Variants in INTS13 observed in about 807,000 individuals in gnomAD.
The protein encoded by INTS13 is integrator complex subunit 13, also known as asunder, spermatogenesis regulator homolog (Drosphila).
INTS13 carries 35 observed loss-of-function variants against 90.2 expected under a neutral mutation model. That is an observed-to-expected ratio of 0.39 (90% CI 0.30 to 0.51). The LOEUF (loss-of-function observed/expected upper bound fraction) is 0.51, where lower values mean the gene tolerates loss of function less well. Ranked by LOEUF, INTS13 falls within the 20% of genes least tolerant of loss-of-function variation. The pLI is 0.80. For synonymous variants in INTS13, 309 were observed against 277.1 expected, an observed-to-expected ratio of 1.11 and a Z score of -1.14; for missense variants, 601 against 851.2, an observed-to-expected ratio of 0.71 and a Z score of 3.66.
intron 10 of INTS13, 38 bp downstream of exon 10, chr12:26,917,310 TATAA>T: frequency 1.5e-6 from 1 of 667,076 alleles, no homozygotes; most frequent in Non-Finnish European, 2.3e-6. Context: ...ATTCAAATAA[TATAA>T]ATAATTTCAG....
At chr12:26,934,920 G>T (rs1476297760) in intron 2 of INTS13, among the ~76,000 whole-genome samples, 1 of 152,116 alleles carries the variant, frequency 6.6e-6, no homozygotes. Flanking sequence ...AAATGAACAA[G>T]ATAATTTCAG....
At chr12:26,922,935 T>C (rs1236716213) in intron 7 of INTS13, among the ~76,000 whole-genome samples, 2 of 152,180 alleles carry the variant, frequency 1.3e-5, no homozygotes, top group Non-Finnish European at 2.9e-5. Context: ...TTTTACATTA[T>C]GTCAGAATTA....
chr12:26,921,664 T>C (rs116541522), intron 8 of INTS13, among the ~76,000 whole-genome samples: 6,017 of 152,238 alleles, frequency 0.04, 161 homozygotes, highest in African/African-American at 0.07. Flanking sequence ...AAGATATATA[T>C]GTATTTTTTG....
At chr12:26,909,472 C>CTTTT (rs756908915) in intron 15 of INTS13, among the ~76,000 whole-genome samples, 1 of 127,076 alleles carries the variant, frequency 7.9e-6, no homozygotes, top group Non-Finnish European at 1.6e-5. Context: ...AGATAATACT[C>CTTTT]TTTTTTTTTT....
chr12:26,924,109 G>A (rs1052320746), intron 7 of INTS13, among the ~76,000 whole-genome samples: 1 of 151,864 alleles, frequency 6.6e-6, no homozygotes, highest in Non-Finnish European at 1.5e-5. Context: ...GGGGAGAAAA[G>A]GTAAAGGTTC....
intron 10 of INTS13, among the ~76,000 whole-genome samples, chr12:26,916,974 T>C (rs989751703): frequency 2.0e-5 from 3 of 152,198 alleles, no homozygotes; most frequent in African/African-American, 7.2e-5. Context: ...AAATGGTCTA[T>C]ATTATTCTAG....
chr12:26,934,610 G>T lies in INTS13; in HGVS notation c.246C>A (p.Asp82Glu). 1.2e-6 allele frequency: 2 copies of T among 1,613,194 alleles called. No homozygotes were observed. The highest frequency in any genetic ancestry group is 1.7e-6 in the Non-Finnish European group (2 of 1,179,334). Residue 82 changes from aspartate to glutamate, a missense_variant, in exon 3 of 17, where the codon GAC becomes GAA. Around this residue, in one of 3 missense-constraint regions of INTS13, gnomAD observed 284 missense variants for 387.7 expected, o/e 0.73. Coordinates refer to ENST00000261191, the MANE Select transcript of INTS13 (RefSeq NM_018164.3). Reference protein sequence around the residue: ...FKKLVNFIVSDSGAHVLNSWT... With the variant: ...FKKLVNFIVSESGAHVLNSWT... ...AAGAATTTAAAACATGTGCTCCAGAGTCACTCACAATAAAATTCACCTAAT... is the reference window on the plus strand; with the variant it reads ...AAGAATTTAAAACATGTGCTCCAGATTCACTCACAATAAAATTCACCTAAT...
At chr12:26,931,684 C>T (rs1453141327) in intron 3 of INTS13, among the ~76,000 whole-genome samples, 4 of 152,176 alleles carry the variant, frequency 2.6e-5, no homozygotes, top group Admixed American at 2.0e-4. Context: ...CTACTAGTAA[C>T]TCAGTATCTT....
At chr12:26,930,815 C>T (rs987476919) in intron 3 of INTS13, among the ~76,000 whole-genome samples, 15 of 152,318 alleles carry the variant, frequency 9.8e-5, no homozygotes, top group African/African-American at 3.4e-4. Flanking sequence ...AAAGCCTTCA[C>T]ACTTCTTTCA....
upstream of INTS13, chr12:26,938,268 C>A (rs1938595888): frequency 6.6e-6 from 1 of 152,296 alleles, no homozygotes; most frequent in Admixed American, 6.5e-5. Context: ...ACCCACCCAC[C>A]CGGTCTCCCC....
rs751517949 is a variant in INTS13 at position 26,936,639 on chromosome 12, T to C, written c.165A>G (p.Ser55=). Residue 55 remains serine, a synonymous_variant, in exon 2 of 17, where the codon TCA becomes TCG. Coordinates refer to ENST00000261191, the MANE Select transcript of INTS13 (RefSeq NM_018164.3). ...TACAATATTCCATGGAAGATTCTAC[T>C]GAGCAAGTCCACAATGATTTAGATA... ...APISKSLWTC[S]VESSMEYCRI... is the part of the protein sequence containing the mutation. The C allele has an allele frequency of 1.2e-6, 2 of 1,613,676 alleles. No homozygotes were observed. Among genetic ancestry groups the C allele is most frequent in the Non-Finnish European group, 1.7e-6 (2 of 1,179,584 alleles).
At chr12:26,928,626 G>C in intron 4 of INTS13, 77 bp downstream of exon 4, 1 of 1,402,900 alleles carries the variant, frequency 7.1e-7, no homozygotes, top group Admixed American at 1.7e-5. Flanking sequence ...TAAACATGCT[G>C]TCTCTACTAT....
At chr12:26,934,501 G>A in intron 3 of INTS13, 55 bp downstream of exon 3, 2 of 1,261,490 alleles carry the variant, frequency 1.6e-6, no homozygotes, top group Non-Finnish European at 2.3e-6. Context: ...TTTTTAAAAA[G>A]TATTACCACA....
intron 15 of INTS13, among the ~76,000 whole-genome samples, chr12:26,910,880 G>A (rs1291247729): frequency 6.6e-6 from 1 of 151,920 alleles, no homozygotes; most frequent in African/African-American, 2.4e-5. Context: ...CTGTCGCCCA[G>A]GCTGAAGTGC....
intron 3 of INTS13, among the ~76,000 whole-genome samples, chr12:26,929,580 TA>T (rs1035662410): frequency 7.0e-6 from 1 of 143,082 alleles, no homozygotes. Flanking sequence ...AAAAAAAAAC[TA>T]AAAAATCAGC....
At chr12:26,936,107 T>G (rs1365636471) in intron 2 of INTS13, among the ~76,000 whole-genome samples, 1 of 152,244 alleles carries the variant, frequency 6.6e-6, no homozygotes, top group Non-Finnish European at 1.5e-5. Context: ...TGGCTCTGCC[T>G]CTACGTAACT....
At position 26,917,648 on chromosome 12, in the gene INTS13, G is replaced by T; in HGVS notation, c.975C>A (p.Asn325Lys). The change falls in exon 9 of 17, where the codon AAC (asparagine) becomes AAA (lysine). Residue 325 changes from asparagine (N) to lysine (K), a missense_variant. Asn to Lys is a moderately conservative substitution (Grantham distance 94, BLOSUM62 0). Around this residue, in one of 3 missense-constraint regions of INTS13, gnomAD observed 89 missense variants for 191.0 expected, o/e 0.47. Coordinates refer to ENST00000261191, the MANE Select transcript of INTS13 (RefSeq NM_018164.3). ...CAGTTATTCTTAAATACCTACCAATGTTATTTGTCCTTGGTGTACACCACT... is the reference window on the plus strand; with the variant it reads ...CAGTTATTCTTAAATACCTACCAATTTTATTTGTCCTTGGTGTACACCACT... ...TLKWCTPRTNNIELHYCTGAY... is the reference protein window; with the variant it reads ...TLKWCTPRTNKIELHYCTGAY... 6.2e-7 allele frequency: 1 copy of T among 1,611,464 alleles called. No individual in the cohort carries two copies. The highest frequency in any genetic ancestry group is 8.5e-7 in the Non-Finnish European group (1 of 1,177,870).
intron 3 of INTS13, among the ~76,000 whole-genome samples, chr12:26,929,527 G>C (rs567965498): frequency 1.3e-5 from 2 of 151,076 alleles, no homozygotes; most frequent in East Asian, 3.9e-4. Context: ...TCAAGACCAG[G>C]CTGGGCAACA....
At chr12:26,934,059 A>C in intron 3 of INTS13, among the ~76,000 whole-genome samples, 1 of 152,216 alleles carries the variant, frequency 6.6e-6, no homozygotes, top group Non-Finnish European at 1.5e-5. Flanking sequence ...AGACATATGA[A>C]GGTCAGAAGT....
Sources: allele counts gnomAD v4.1 joint callset (sites outside exome capture counted in the v4.1 genomes callset), GRCh38; gene constraint gnomAD v4.1.1; regional missense constraint gnomAD v4.1.1; transcripts MANE v1.5; gene names NCBI Gene and HGNC (gene_info 2026-07-23, HGNC 2026-07-21).